Variants in SGTA observed in about 807,000 individuals in gnomAD.
SGTA encodes the protein small glutamine-rich tetratricopeptide repeat-containing protein alpha.
SGTA carries 22 observed loss-of-function variants against 44.3 expected under a neutral mutation model. The observed-to-expected ratio is 0.50, with a 90% confidence interval of 0.36 to 0.71. The LOEUF (loss-of-function observed/expected upper bound fraction) is 0.71, where lower values mean the gene tolerates loss of function less well. Among genes scored for constraint, SGTA ranks in the 30% least tolerant of loss-of-function variants. The pLI is 0.00. For missense variants in SGTA, 341 were observed against 435.9 expected (o/e 0.78, Z 1.94); for synonymous variants, 174 against 177.6 (o/e 0.98, Z 0.16).
intron 6 of SGTA, 110 bp from the exon 7 acceptor site, chr19:2,762,754 T>C: frequency 8.0e-7 from 1 of 1,253,856 alleles, no homozygotes; most frequent in Admixed American, 1.9e-5. Flanking sequence ...CCTCGGATGG[T>C]GCCACCCCCT....
intron 1 of SGTA, among the ~76,000 whole-genome samples, chr19:2,775,332 G>T (rs1204046764): frequency 6.6e-6 from 1 of 152,196 alleles, no homozygotes; most frequent in African/African-American, 2.4e-5. Context: ...TAGAAAATGA[G>T]GCGTGGGCTG....
At chr19:2,760,496 C>A (rs531325374) in intron 8 of SGTA, among the ~76,000 whole-genome samples, 1 of 125,666 alleles carries the variant, frequency 8.0e-6, no homozygotes, top group South Asian at 2.4e-4. Flanking sequence ...CCAACCTGGG[C>A]GACAGAGCGA....
intron 11 of SGTA, 115 bp downstream of exon 11, chr19:2,757,222 C>G: frequency 7.6e-7 from 1 of 1,313,788 alleles, no homozygotes; most frequent in Non-Finnish European, 1.0e-6. Context: ...TGTCCAGTGT[C>G]CAGACAGGCT....
chr19:2,781,973 C>T (rs1272404684), intron 1 of SGTA, among the ~76,000 whole-genome samples: 4 of 151,984 alleles, frequency 2.6e-5, no homozygotes, highest in African/African-American at 9.7e-5. Flanking sequence ...TCCTGAGTAG[C>T]TGGGATTACA....
intron 9 of SGTA, among the ~76,000 whole-genome samples, chr19:2,758,925 G>C (rs1475135218): frequency 6.6e-6 from 1 of 152,170 alleles, no homozygotes; most frequent in African/African-American, 2.4e-5. Flanking sequence ...GAAATGTCCA[G>C]GACAGGCCCA....
At chr19:2,762,692 G>A (rs750394459) in intron 6 of SGTA, 48 bp from the exon 7 acceptor site, 8 of 1,606,326 alleles carry the variant, frequency 5.0e-6, no homozygotes, top group Non-Finnish European at 6.8e-6. Context: ...CCCAGCTCCA[G>A]GAGGCCCCGC....
chr19:2,768,883 C>A (rs765299430), intron 2 of SGTA, 86 bp downstream of exon 2: 20 of 971,632 alleles, frequency 2.1e-5, no homozygotes, highest in Non-Finnish European at 3.1e-5. Context: ...GGCGGGGGAC[C>A]AGGCATCTAC....
chr19:2,756,206 C>T (rs971004310), intron 11 of SGTA, among the ~76,000 whole-genome samples: 4 of 149,758 alleles, frequency 2.7e-5, no homozygotes, highest in Non-Finnish European at 5.9e-5. Context: ...TCCACCTCAA[C>T]TATTAAAAAA....
rs781464690 is a variant in SGTA, at chr19:2,762,632, G to A, written c.510C>T (p.Ser170=). ...KAYGRMGLAL[S]SLNKHVEAVA... ...CGGCCTCCACGTGCTTGTTGAGGCT[G>A]GAGAGCGCCAGGCTGGAGGAGAGCA... Residue 170 remains serine, a synonymous_variant, in exon 7 of 12, where the codon TCC becomes TCT. Transcript: ENST00000221566. The A allele has an allele frequency of 1.9e-6, 3 of 1,613,888 alleles. No individual in the cohort carries two copies. Among genetic ancestry groups the A allele is most frequent in the Non-Finnish European group, 2.5e-6 (3 of 1,180,008 alleles).
intron 1 of SGTA, among the ~76,000 whole-genome samples, chr19:2,782,145 T>C (rs1452152075): frequency 3.3e-5 from 5 of 152,150 alleles, no homozygotes; most frequent in African/African-American, 9.7e-5. Context: ...TTTTCTGGGG[T>C]GAGGCCGTCC....
chr19:2,761,774 T>C lies in SGTA; in HGVS notation c.637-252A>G, dbSNP rs1473338009. Reference sequence around the variant, plus strand: ...GGCACAGTCTATCATCCCGTGTTTATTCCCCGCACAGCGCGACCGCCCGGG... The same window carrying C: ...GGCACAGTCTATCATCCCGTGTTTACTCCCCGCACAGCGCGACCGCCCGGG... On this transcript the variant is annotated intron_variant, in intron 7 of 11. Transcript: ENST00000221566. This position sits in a 1 kb window ranked among gnomAD's most constrained non-coding sequence, Gnocchi z 5.7. Among the ~76,000 whole-genome samples the C allele has an allele frequency of 2.1e-5, 3 of 145,700 alleles. No individual in the cohort carries two copies. The highest frequency in any genetic ancestry group is 7.7e-5 in the African/African-American group (3 of 39,114).
Position 2,761,744 on chromosome 19 carries a change from G to T in SGTA, c.637-222C>A, listed in dbSNP as rs1321744820. On this transcript the variant is annotated intron_variant, in intron 7 of 11. Coordinates refer to ENST00000221566, the MANE Select transcript of SGTA (RefSeq NM_003021.4). This position sits in a 1 kb window ranked among gnomAD's most constrained non-coding sequence, Gnocchi z 5.7. ...ATTCCCCGCACAGCGCGACCGCCCGGGGACGGCACAGTCTATCATCCCGTG... is the reference window on the plus strand; with the variant it reads ...ATTCCCCGCACAGCGCGACCGCCCGTGGACGGCACAGTCTATCATCCCGTG... Among the ~76,000 whole-genome samples, 1 of 148,078 alleles carries T rather than the reference G, an allele frequency of 6.8e-6. No individual in the cohort carries two copies. The highest frequency in any genetic ancestry group is 6.7e-5 in the Admixed American group (1 of 14,930).
At position 2,755,594 on chromosome 19, in the gene SGTA, C is replaced by G. The variant is rs1045526635; in HGVS notation, c.*346G>C. The G allele has an allele frequency of 2.0e-6, 2 of 985,136 alleles. No individual in the cohort carries two copies. The highest frequency in any genetic ancestry group is 2.4e-6 in the Non-Finnish European group (2 of 830,036). 61.0% of individuals were successfully genotyped at this position (985,136 alleles called of 1,614,324 possible). A position where few individuals can be genotyped will look rare whatever the true frequency, so the allele number is the denominator to read the frequency against. On this transcript the variant is annotated 3_prime_UTR_variant, in exon 12 of 12. Transcript: ENST00000221566. This position sits in a 1 kb window ranked among gnomAD's most constrained non-coding sequence, Gnocchi z 5.2. ...GGAAGCCACACGATCCGCCACACGG[C>G]TGAACGTGAAACCTGCCACTTCTCT... is the stretch of plus-strand genomic sequence containing the variant.
chr19:2,757,621 C>T, intron 10 of SGTA, 72 bp downstream of exon 10: 1 of 1,453,812 alleles, frequency 6.9e-7, no homozygotes, highest in Non-Finnish European at 9.2e-7. Flanking sequence ...TTTCGCTCTC[C>T]TCCTTCCCTT....
intron 1 of SGTA, chr19:2,782,684 T>G (rs1275367874): frequency 2.0e-5 from 3 of 152,216 alleles, no homozygotes; most frequent in Non-Finnish European, 4.4e-5. Flanking sequence ...GACGAACGCC[T>G]GCTAATTCTT....
rs1914803114 is a variant in SGTA, at chr19:2,755,694, G to A, written c.*246C>T. ...GAGCTTTCTGGGGGCTGGAAGGGAG[G>A]TCGCTGCTGGTCTGTGCTCAGCTTG... On this transcript the variant is annotated 3_prime_UTR_variant, in exon 12 of 12. Coordinates refer to ENST00000221566, the MANE Select transcript of SGTA (RefSeq NM_003021.4). This position sits in a 1 kb window ranked among gnomAD's most constrained non-coding sequence, Gnocchi z 5.2. 1 of 985,560 alleles carries A rather than the reference G, an allele frequency of 1.0e-6. No homozygotes were observed. Among genetic ancestry groups the A allele is most frequent in the Non-Finnish European group, 1.2e-6 (1 of 829,996 alleles). The allele number at this position is 985,560 out of a possible 1,614,324, so 61.1% of individuals were successfully genotyped here.
rs944453116 is a variant in SGTA at position 2,764,460 on chromosome 19, C to T, written c.393-703G>A. On this transcript the variant is annotated intron_variant, in intron 5 of 11. Transcript: ENST00000221566. ...CTGCCCAGGCTGGAGTGCAGTGACACGATCTCAGCTCACTGCAACCTCTGC... is the reference window on the plus strand; with the variant it reads ...CTGCCCAGGCTGGAGTGCAGTGACATGATCTCAGCTCACTGCAACCTCTGC... 6.6e-5 allele frequency among the ~76,000 whole-genome samples: 10 copies of T among 152,218 alleles called. No homozygotes were observed. In the South Asian group the frequency reaches 1.0e-3, roughly 16 times the overall value.
intron 9 of SGTA, among the ~76,000 whole-genome samples, chr19:2,758,961 T>C (rs1271257064): frequency 6.6e-6 from 1 of 150,646 alleles, no homozygotes; most frequent in Non-Finnish European, 1.5e-5. Flanking sequence ...AGGGGATGCG[T>C]GGTTGTCAGG....
In SGTA at chr19:2,765,313, C is replaced by T. The variant is rs530610169; in HGVS notation, c.293-28G>A. On this transcript the variant is annotated intron_variant, in intron 4 of 11. Transcript: ENST00000221566. This position sits in a 1 kb window ranked among gnomAD's most constrained non-coding sequence, Gnocchi z 5.5. ...ACAGGGAGAGAGGAAAACACCGGCC[C>T]GGTGTCCACACAGACCGGAGGGGGT... 6 of 1,549,324 alleles carry T rather than the reference C, an allele frequency of 3.9e-6. No individual in the cohort carries two copies. Among genetic ancestry groups the T allele is most frequent in the Admixed American group, 1.7e-5 (1 of 59,114 alleles).
Sources: gnomAD v4.1 joint callset for allele counts (sites outside exome capture counted in the v4.1 genomes callset) on GRCh38, gnomAD v4.1.1 for gene constraint, Gnocchi (gnomAD v3.1) non-coding constraint, MANE v1.5 for transcripts, NCBI Gene and HGNC (gene_info 2026-07-23, HGNC 2026-07-21) for gene names.